The following QRFPR variants were observed in gnomAD, a reference collection of about 807,000 sequenced individuals.
QRFPR encodes the protein pyroglutamylated RF-amide peptide receptor.
Under a neutral mutation model 31.3 loss-of-function variants are expected in QRFPR, and 37 were observed. That is an observed-to-expected ratio of 1.18 (90% CI 0.91 to 1.56). The LOEUF (loss-of-function observed/expected upper bound fraction) is 1.56. Among genes scored for constraint, QRFPR ranks in the 40% most tolerant of loss-of-function variants. The pLI, the probability that QRFPR is intolerant of heterozygous loss-of-function variation, is 0.00. For missense variants in QRFPR, 542 were observed against 532.5 expected (o/e 1.02, Z -0.18); for synonymous variants, 197 against 192.0 (o/e 1.03, Z -0.22).
chr4:121,338,051 T>G (rs1348155710), intron 2 of QRFPR, among the ~76,000 whole-genome samples: 2 of 152,284 alleles, frequency 1.3e-5, no homozygotes, highest in Admixed American at 1.3e-4. Context: ...GGGTTTATTA[T>G]AAAGAAACAC....
rs753343278 is a variant in QRFPR at position 121,329,457 on chromosome 4, C to T, written c.1153G>A (p.Glu385Lys). The T allele has an allele frequency of 8.1e-6, 13 of 1,614,038 alleles. No homozygotes were observed. Among genetic ancestry groups the T allele is most frequent in the African/African-American group, 2.7e-5 (2 of 74,930 alleles). The change falls in exon 6 of 6, where the codon GAA becomes AAA. Residue 385 changes from glutamate (E) to lysine (K), a missense_variant. By Grantham distance (56) the Glu-to-Lys change is moderately conservative. Transcript: ENST00000394427. ...KFSLRENPVE[E>K]TKGEAFSDGN... ...TCACTGAATGCTTCTCCTTTGGTTTCCTCCACTGGATTCTCTCTGAGGGAA... is the reference window on the plus strand; with the variant it reads ...TCACTGAATGCTTCTCCTTTGGTTTTCTCCACTGGATTCTCTCTGAGGGAA...
At chr4:121,346,742 A>G (rs1484173023) in intron 1 of QRFPR, among the ~76,000 whole-genome samples, 1 of 152,230 alleles carries the variant, frequency 6.6e-6, no homozygotes, top group Non-Finnish European at 1.5e-5. Context: ...TTTGTCATGG[A>G]TGGGTGTTGA....
intron 1 of QRFPR, among the ~76,000 whole-genome samples, chr4:121,345,613 T>C (rs116286127): frequency 0.018 from 2,812 of 152,294 alleles, 42 homozygotes; most frequent in South Asian, 0.042. Flanking sequence ...ATTTCTACTA[T>C]GTCTGACTCT....
chr4:121,359,173 AT>A (rs1202985876), intron 1 of QRFPR, among the ~76,000 whole-genome samples: 3 of 152,144 alleles, frequency 2.0e-5, no homozygotes, highest in Non-Finnish European at 4.4e-5. Context: ...CCTCTTTTAA[AT>A]TGCTTCATTA....
chr4:121,369,780 C>T (rs1186571405), intron 1 of QRFPR: 14 of 1,578,594 alleles, frequency 8.9e-6, no homozygotes, highest in African/African-American at 1.3e-5. Flanking sequence ...GTGAACCAGC[C>T]CCTGGGTCTC....
At chr4:121,341,268 C>T (rs1017582253) in intron 1 of QRFPR, among the ~76,000 whole-genome samples, 1 of 152,120 alleles carries the variant, frequency 6.6e-6, no homozygotes, top group South Asian at 2.1e-4. Flanking sequence ...GCCTCTTTAC[C>T]ATTTGGATTT....
chr4:121,375,826 C>CA (rs1430362868), intron 1 of QRFPR, among the ~76,000 whole-genome samples: 11 of 151,858 alleles, frequency 7.2e-5, no homozygotes, highest in Admixed American at 6.6e-4. Flanking sequence ...AACAAAGAGG[C>CA]AAAAAAAGAC....
chr4:121,370,415 T>G, intron 1 of QRFPR: 1 of 650,312 alleles, frequency 1.5e-6, no homozygotes. Context: ...ATGTGACGAC[T>G]AAGCTGACAG....
chr4:121,361,690 C>T (rs148663730), intron 1 of QRFPR, among the ~76,000 whole-genome samples: 2 of 150,308 alleles, frequency 1.3e-5, no homozygotes, highest in East Asian at 4.0e-4. Flanking sequence ...ATGGACCAGG[C>T]TTTAAACAGC....
At chr4:121,375,236 A>C (rs942345385) in intron 1 of QRFPR, among the ~76,000 whole-genome samples, 1 of 152,152 alleles carries the variant, frequency 6.6e-6, no homozygotes, top group Non-Finnish European at 1.5e-5. Context: ...CCTATCCCTC[A>C]ACTTTGGACT....
At chr4:121,360,279 A>G (rs1386418978) in intron 1 of QRFPR, among the ~76,000 whole-genome samples, 3 of 152,228 alleles carry the variant, frequency 2.0e-5, no homozygotes, top group Non-Finnish European at 4.4e-5. Context: ...ACCTACATAC[A>G]GACATTACAA....
intron 1 of QRFPR, among the ~76,000 whole-genome samples, chr4:121,344,113 C>G (rs1026132109): frequency 2.0e-5 from 3 of 152,160 alleles, no homozygotes; most frequent in Admixed American, 6.5e-5. Context: ...ATATGATGCA[C>G]TTGGGGCTGA....
chr4:121,347,241 G>T (rs1237969707), intron 1 of QRFPR, among the ~76,000 whole-genome samples: 1 of 152,112 alleles, frequency 6.6e-6, no homozygotes, highest in Non-Finnish European at 1.5e-5. Context: ...TTATGAGCAT[G>T]TGGTTTAAAA....
At chr4:121,350,637 A>G (rs1175165409) in intron 1 of QRFPR, among the ~76,000 whole-genome samples, 1 of 152,170 alleles carries the variant, frequency 6.6e-6, no homozygotes, top group Non-Finnish European at 1.5e-5. Context: ...TTTTCAAAAC[A>G]ACTACTTGTG....
chr4:121,360,778 A>T (rs1351361527), intron 1 of QRFPR, among the ~76,000 whole-genome samples: 1 of 152,102 alleles, frequency 6.6e-6, no homozygotes, highest in Admixed American at 6.6e-5. Flanking sequence ...CAGCACTAGA[A>T]AGTTCTTCAG....
rs1399332477 is a variant in QRFPR, at chr4:121,329,350, T to C, written c.1260A>G (p.Glu420=). 1 of 1,613,992 alleles carries C rather than the reference T, an allele frequency of 6.2e-7. No homozygotes were observed. The highest frequency in any genetic ancestry group is 1.1e-5 in the South Asian group (1 of 90,998). Residue 420 remains glutamate (E), a synonymous_variant, in exon 6 of 6, where the codon GAA becomes GAG. Transcript: ENST00000394427. ...LKRHLALFRS[E]LAENSPLDSG... ...TGTCTAAAGGAGAATTCTCAGCCAGTTCAGACCTAAAGAGAGCAAGATGTC... is the reference window on the plus strand; with the variant it reads ...TGTCTAAAGGAGAATTCTCAGCCAGCTCAGACCTAAAGAGAGCAAGATGTC...
chr4:121,380,280 G>A, intron 1 of QRFPR, 28 bp downstream of exon 1: 2 of 1,542,440 alleles, frequency 1.3e-6, no homozygotes, highest in South Asian at 1.2e-5. Context: ...AAGAGAGAAG[G>A]AGCGAAGGAG....
chr4:121,337,024 C>T (rs1725449129), intron 2 of QRFPR, among the ~76,000 whole-genome samples, 156 bp from the exon 3 acceptor site: 1 of 152,256 alleles, frequency 6.6e-6, no homozygotes. Flanking sequence ...TCCACTCTTT[C>T]ACCATCCTCA....
intron 1 of QRFPR, among the ~76,000 whole-genome samples, chr4:121,348,985 T>A (rs1168779091): frequency 6.6e-6 from 1 of 152,056 alleles, no homozygotes; most frequent in East Asian, 1.9e-4. Flanking sequence ...TAGTCCCAGC[T>A]ACTCGGGAGG....
Sources: allele counts gnomAD v4.1 joint callset (sites outside exome capture counted in the v4.1 genomes callset), GRCh38; gene constraint gnomAD v4.1.1; transcripts MANE v1.5; gene names NCBI Gene and HGNC (gene_info 2026-07-23, HGNC 2026-07-21).